The following PCDH1 variants were observed in gnomAD, a reference collection of about 807,000 sequenced individuals.
PCDH1 encodes protocadherin-1.
Under a neutral mutation model 74.6 loss-of-function variants are expected in PCDH1, and 23 were observed. The ratio of observed to expected loss-of-function variants is 0.31; its 90% CI spans 0.22 to 0.44. The LOEUF is 0.44. Ranked by LOEUF, PCDH1 falls within the 20% of genes least tolerant of loss-of-function variation. The probability of loss-of-function intolerance (pLI) is 1.00; values close to 1 mark genes in which losing one functional copy is unlikely to be tolerated. For synonymous variants in PCDH1, 647 were observed against 686.1 expected (o/e 0.94, Z 0.89); for missense variants, 1,214 against 1,641.4 (o/e 0.74, Z 4.50).
chr5:141,858,485 A>C (rs1438406535), intron 3 of PCDH1, among the ~76,000 whole-genome samples: 1 of 152,136 alleles, frequency 6.6e-6, no homozygotes. Context: ...TGGCATGAGG[A>C]GCCAGACTTG....
rs769997582 is a variant in PCDH1, at chr5:141,865,185, G to A, written c.1146C>T (p.Asp382=). Residue 382 remains aspartate, a synonymous_variant, in exon 3 of 5, where the codon GAC becomes GAT. Transcript: ENST00000287008. This position sits in a 1 kb window ranked among gnomAD's most constrained non-coding sequence, Gnocchi z 4.4. The stretch of plus-strand genomic sequence containing the variant: ...CCCGGATCTCAATGGTGGGGGCATT[G>A]TCATTCATGTCCTTCACGGTCACAA... ...QVVVTVKDMN[D]NAPTIEIRGI... 6.2e-6 allele frequency: 10 copies of A among 1,614,146 alleles called. No individual in the cohort carries two copies. The highest frequency in any genetic ancestry group is 8.5e-6 in the Non-Finnish European group (10 of 1,180,034).
intron 2 of PCDH1, chr5:141,866,331 T>C (rs887884793): frequency 1.7e-5 from 11 of 641,828 alleles, no homozygotes; most frequent in Non-Finnish European, 7.8e-6. Flanking sequence ...GCTCCCAGCA[T>C]CAAACAATGA....
Position 141,878,259 on chromosome 5 carries a change from C to A in PCDH1, c.4G>T (p.Asp2Tyr). ...CAGCGCCGGCCGCCCGCCCCGCTGT[C>A]CATGAGCCGCCGCCGGCCCCGGCCT... M[D>Y]SGAGGRRCPE... Residue 2 changes from aspartate to tyrosine, a missense_variant, in exon 1 of 5, where the codon GAC becomes TAC. Around this residue, in one of 4 missense-constraint regions of PCDH1, gnomAD observed 87 missense variants for 87.7 expected, o/e 0.99. Transcript: ENST00000287008. This position sits in a 1 kb window ranked among gnomAD's most constrained non-coding sequence, Gnocchi z 5.5. 3 of 1,321,488 alleles carry A rather than the reference C, an allele frequency of 2.3e-6. No individual in the cohort carries two copies. The highest frequency in any genetic ancestry group is 2.0e-5 in the South Asian group (1 of 49,836). 81.9% of individuals were successfully genotyped at this position (1,321,488 alleles called of 1,614,324 possible).
chr5:141,863,472 G>A lies in PCDH1; in HGVS notation c.2859C>T (p.His953=), dbSNP rs1372166102. 2 of 1,590,792 alleles carry A rather than the reference G, an allele frequency of 1.3e-6. No homozygotes were observed. The highest frequency in any genetic ancestry group is 2.2e-5 in the East Asian group (1 of 44,566). ...TGCCTGGTGGGTAGTTGAGGGGCAGGTGGATGCGGGGACTGTCCCCAGGGG... is the reference window on the plus strand; with the variant it reads ...TGCCTGGTGGGTAGTTGAGGGGCAGATGGATGCGGGGACTGTCCCCAGGGG... ...SDAPGDSPRI[H]LPLNYPPGSP... Residue 953 remains histidine, a synonymous_variant, in exon 3 of 5, where the codon CAC becomes CAT. Transcript: ENST00000287008. This position sits in a 1 kb window ranked among gnomAD's most constrained non-coding sequence, Gnocchi z 7.5.
chr5:141,869,707 T>C lies in PCDH1; in HGVS notation c.41-276A>G, dbSNP rs1163637199. 1 of 1,493,220 alleles carries C rather than the reference T, an allele frequency of 6.7e-7. No homozygotes were observed. The highest frequency in any genetic ancestry group is 2.6e-5 in the East Asian group (1 of 39,162). 92.5% of individuals were successfully genotyped at this position (1,493,220 alleles called of 1,614,324 possible). A position where few individuals can be genotyped will look rare whatever the true frequency, so the allele number is the denominator to read the frequency against. On this transcript the variant is annotated intron_variant, in intron 1 of 4. Coordinates refer to ENST00000287008, the MANE Select transcript of PCDH1 (RefSeq NM_032420.5). The surrounding 1 kb of genome is among the most constrained non-coding windows in gnomAD (Gnocchi z 4.9). ...CGCCCATGGAACACCCTCACCCACC[T>C]GACGCTCCCTGGGCCCAAGCCCGGC...
rs925525770 is a variant in PCDH1, at chr5:141,878,240, C to G, written c.23G>C (p.Arg8Pro). Residue 8 changes from arginine to proline, a missense_variant, in exon 1 of 5, where the codon CGG (arginine) becomes CCG (proline). Around this residue, in one of 4 missense-constraint regions of PCDH1, gnomAD observed 87 missense variants for 87.7 expected, o/e 0.99. Coordinates refer to ENST00000287008, the MANE Select transcript of PCDH1 (RefSeq NM_032420.5). The surrounding 1 kb of genome is among the most constrained non-coding windows in gnomAD (Gnocchi z 5.5). ...ATCCTTACCCGCCTCCGGGCAGCGC[C>G]GGCCGCCCGCCCCGCTGTCCATGAG... MDSGAGG[R>P]RCPEAALLIL... The G allele has an allele frequency of 8.4e-5, 116 of 1,375,368 alleles. 1 individual carries two copies. The highest frequency in any genetic ancestry group is 3.6e-4 in the Admixed American group (12 of 32,918). The allele number at this position is 1,375,368 out of a possible 1,614,324, so 85.2% of individuals were successfully genotyped here. A position where few individuals can be genotyped will look rare whatever the true frequency, so the allele number is the denominator to read the frequency against.
In PCDH1 at chr5:141,864,190, T is replaced by C. The variant is rs781575679; in HGVS notation, c.2141A>G (p.Tyr714Cys). 10 of 1,607,088 alleles carry C rather than the reference T, an allele frequency of 6.2e-6. No individual in the cohort carries two copies. The highest frequency in any genetic ancestry group is 8.5e-6 in the Non-Finnish European group (10 of 1,174,882). The change falls in exon 3 of 5, where the codon TAT becomes TGT. Residue 714 changes from tyrosine to cysteine, a missense_variant. Physicochemically the swap from Tyr to Cys is radical, Grantham distance 194. Coordinates refer to ENST00000287008, the MANE Select transcript of PCDH1 (RefSeq NM_032420.5). This position sits in a 1 kb window ranked among gnomAD's most constrained non-coding sequence, Gnocchi z 5.9. ...AGAGGTGTTAGAAGGGGCAGTGATA[T>C]AGGGTGCGTTGTCATTCTCGTCCAG... ...NVLDENDNAP[Y>C]ITAPSNTSHK... is the part of the protein sequence containing the mutation.
intron 2 of PCDH1, chr5:141,866,176 C>G: frequency 1.0e-6 from 1 of 985,494 alleles, no homozygotes; most frequent in Non-Finnish European, 1.2e-6. Context: ...ACCGCTCTGT[C>G]AAACCGGGGA....
In PCDH1 at chr5:141,865,305, C is replaced by T. The variant is rs1752774136; in HGVS notation, c.1026G>A (p.Gln342=). Residue 342 remains glutamine, a synonymous_variant, in exon 3 of 5, where the codon CAG becomes CAA. Transcript: ENST00000287008. The surrounding 1 kb of genome is among the most constrained non-coding windows in gnomAD (Gnocchi z 4.4). The part of the protein sequence containing the change: ...LDRNTGLITV[Q]GPVDREDLST... Reference sequence around the variant, plus strand: ...TTAGGTCCTCACGGTCCACCGGGCCCTGAACAGTGATAAGTCCAGTGTTCC... The same window carrying T: ...TTAGGTCCTCACGGTCCACCGGGCCTTGAACAGTGATAAGTCCAGTGTTCC... 10 of 1,614,084 alleles carry T rather than the reference C, an allele frequency of 6.2e-6. No individual in the cohort carries two copies. The highest frequency in any genetic ancestry group is 8.5e-6 in the Non-Finnish European group (10 of 1,180,048).
At chr5:141,856,352 G>A in intron 4 of PCDH1, 1 of 68,656 alleles carries the variant, frequency 1.5e-5, no homozygotes, top group South Asian at 1.3e-4. Flanking sequence ...CCTAGGGCCT[G>A]GGAGGTTAGA....
chr5:141,869,139 G>A lies in PCDH1; in HGVS notation c.333C>T (p.Thr111=), dbSNP rs144193789. The A allele has an allele frequency of 4.6e-5, 75 of 1,614,056 alleles. No homozygotes were observed. Among genetic ancestry groups the A allele is most frequent in the African/African-American group, 4.4e-4 (33 of 75,020 alleles). Residue 111 remains threonine, a synonymous_variant, in exon 2 of 5, where the codon ACC becomes ACT. Transcript: ENST00000287008. The surrounding 1 kb of genome is among the most constrained non-coding windows in gnomAD (Gnocchi z 4.9). ...VDGKTGDIFT[T]ETSIDREGLR... ...GCCCCTCACGGTCGATGGAGGTCTC[G>A]GTGGTGAAAATGTCACCTGTCTTGC...
chr5:141,873,569 C>G (rs1561489491), intron 1 of PCDH1, among the ~76,000 whole-genome samples: 1 of 151,698 alleles, frequency 6.6e-6, no homozygotes, highest in Non-Finnish European at 1.5e-5. Flanking sequence ...GCCTCAGCCT[C>G]CCGAGTAGCT....
At chr5:141,856,926 T>C (rs926975320) in intron 4 of PCDH1, among the ~76,000 whole-genome samples, 1 of 152,146 alleles carries the variant, frequency 6.6e-6, no homozygotes, top group Non-Finnish European at 1.5e-5. Context: ...CGTGTAAACA[T>C]GGTGCCGAAT....
intron 1 of PCDH1, among the ~76,000 whole-genome samples, chr5:141,876,496 G>T (rs1753238978): frequency 6.6e-6 from 1 of 152,226 alleles, no homozygotes; most frequent in South Asian, 2.1e-4. Context: ...AGCAGAGGGG[G>T]TTTTTTGCCC....
intron 4 of PCDH1, among the ~76,000 whole-genome samples, chr5:141,855,121 A>G (rs1159187461): frequency 1.3e-5 from 2 of 151,404 alleles, no homozygotes; most frequent in African/African-American, 4.9e-5. Context: ...ATAGGCATGC[A>G]CTACCATGCC....
In PCDH1 at chr5:141,864,298, T is replaced by C; in HGVS notation, c.2033A>G (p.Gln678Arg). ...LSSLSFDREQ[Q>R]STYTFQLKAV... Reference sequence around the variant, plus strand: ...CTTCAGCTGGAAGGTGTAGGTGCTTTGTTGCTCTCGATCAAAGCTCAGGCT... The same window carrying C: ...CTTCAGCTGGAAGGTGTAGGTGCTTCGTTGCTCTCGATCAAAGCTCAGGCT... The change falls in exon 3 of 5, where the codon CAA becomes CGA. Residue 678 changes from glutamine to arginine, a missense_variant. Gln to Arg is a conservative substitution (Grantham distance 43, BLOSUM62 1). Around this residue, in one of 4 missense-constraint regions of PCDH1, gnomAD observed 836 missense variants for 1,182.2 expected, o/e 0.71. Transcript: ENST00000287008. The surrounding 1 kb of genome is among the most constrained non-coding windows in gnomAD (Gnocchi z 5.9). 6.2e-7 allele frequency: 1 copy of C among 1,614,008 alleles called. No individual in the cohort carries two copies. Among genetic ancestry groups the C allele is most frequent in the African/African-American group, 1.3e-5 (1 of 75,026 alleles).
chr5:141,862,308 G>C (rs1319008604), intron 3 of PCDH1, among the ~76,000 whole-genome samples: 2 of 152,176 alleles, frequency 1.3e-5, no homozygotes, highest in Non-Finnish European at 1.5e-5. Context: ...GAGCAGATTG[G>C]AAAAATCAAG....
At position 141,868,905 on chromosome 5, in the gene PCDH1, G is replaced by A. The variant is rs756380308; in HGVS notation, c.567C>T (p.Ile189=). 1.2e-5 allele frequency: 20 copies of A among 1,614,134 alleles called. No individual in the cohort carries two copies. The highest frequency in any genetic ancestry group is 1.7e-5 in the Admixed American group (1 of 60,014). The change falls in exon 2 of 5, where the codon ATC becomes ATT. Residue 189 remains isoleucine, a synonymous_variant. Transcript: ENST00000287008. The surrounding 1 kb of genome is among the most constrained non-coding windows in gnomAD (Gnocchi z 4.8). ...CAGCATCACGGTCTGAAGCCAGCGG[G>A]ATGGGGAAGAGTGAGCCGATGTTGG... ...ENTNIGSLFP[I]PLASDRDAGP... is the part of the protein sequence containing the mutation.
At chr5:141,866,296 A>G in intron 2 of PCDH1, 1 of 917,534 alleles carries the variant, frequency 1.1e-6, no homozygotes, top group Non-Finnish European at 1.3e-6. Flanking sequence ...GATGCAGGCC[A>G]CAGAGCCTGC....
Sources: allele counts gnomAD v4.1 joint callset (sites outside exome capture counted in the v4.1 genomes callset), GRCh38; gene constraint gnomAD v4.1.1; regional missense constraint gnomAD v4.1.1; non-coding constraint Gnocchi (gnomAD v3.1); transcripts MANE v1.5; gene names NCBI Gene and HGNC (gene_info 2026-07-23, HGNC 2026-07-21).